Variants in PXT1 observed in about 807,000 individuals in gnomAD.
PXT1 encodes the protein peroxisomal testis-specific protein 1.
PXT1 carries 11 observed loss-of-function variants against 11.0 expected under a neutral mutation model. The observed-to-expected ratio is 1.00, with a 90% CI of 0.63 to 1.66. The LOEUF (loss-of-function observed/expected upper bound fraction) is 1.66. Among genes scored for constraint, PXT1 ranks in the 40% most tolerant of loss-of-function variants. PXT1 has a pLI of 0.00. For synonymous variants in PXT1, 43 were observed against 51.4 expected (o/e 0.84, Z 0.70); for missense variants, 141 against 155.5 (o/e 0.91, Z 0.49).
At chr6:36,401,581 G>A (rs975858299) in intron 3 of PXT1, among the ~76,000 whole-genome samples, 17 of 146,298 alleles carry the variant, frequency 1.2e-4, no homozygotes, top group African/African-American at 3.8e-4. Context: ...ACACCACTGC[G>A]CTCCAGCCTG....
At chr6:36,421,238 A>G (rs1392858226) in intron 3 of PXT1, among the ~76,000 whole-genome samples, 2 of 152,150 alleles carry the variant, frequency 1.3e-5, no homozygotes, top group Admixed American at 6.6e-5. Context: ...AGGACAAGGC[A>G]GGATCATTGA....
intron 1 of PXT1, among the ~76,000 whole-genome samples, chr6:36,441,888 A>G (rs1774876436): frequency 6.6e-6 from 1 of 152,150 alleles, no homozygotes; most frequent in South Asian, 2.1e-4. Context: ...CTATTTTCTT[A>G]CATTCCTTCC....
intron 3 of PXT1, among the ~76,000 whole-genome samples, chr6:36,412,101 C>T (rs1008118483): frequency 6.6e-6 from 1 of 152,160 alleles, no homozygotes; most frequent in Non-Finnish European, 1.5e-5. Flanking sequence ...CCTGTAGTCC[C>T]AGCACTTTGG....
At chr6:36,393,185 G>C (rs1357778167) in intron 4 of PXT1, 9 of 152,162 alleles carry the variant, frequency 5.9e-5, no homozygotes, top group Admixed American at 5.9e-4. Context: ...ATGTTGGTCA[G>C]CCTAGTCTCG....
chr6:36,430,390 A>G lies in PXT1; in HGVS notation c.-9-4299T>C, dbSNP rs114972351. Among the ~76,000 whole-genome samples the G allele has an allele frequency of 3.1e-3, 469 of 152,280 alleles. 1 individual carries two copies. Among genetic ancestry groups the G allele is most frequent in the African/African-American group, 0.011 (440 of 41,554 alleles). On this transcript the variant is annotated intron_variant, in intron 2 of 4. Coordinates refer to ENST00000454782, the MANE Select transcript of PXT1 (RefSeq NM_152990.4). The stretch of plus-strand genomic sequence containing the variant: ...CAGGCAGAATGGACTCTGTAGATGT[A>G]ATTATATTAAAGCTCTTGAGATGAA...
chr6:36,395,118 C>T (rs1774125009), intron 4 of PXT1, among the ~76,000 whole-genome samples: 1 of 152,118 alleles, frequency 6.6e-6, no homozygotes, highest in African/African-American at 2.4e-5. Flanking sequence ...AGCCACTGTG[C>T]CCGGCCTAAA....
chr6:36,406,199 A>G (rs993970565), intron 3 of PXT1, among the ~76,000 whole-genome samples: 1 of 152,142 alleles, frequency 6.6e-6, no homozygotes, highest in Admixed American at 6.6e-5. Flanking sequence ...TCTTTCCTAC[A>G]TGTTCCCACC....
intron 4 of PXT1, among the ~76,000 whole-genome samples, chr6:36,394,126 C>T (rs1221126854): frequency 2.0e-5 from 3 of 152,162 alleles, no homozygotes; most frequent in African/African-American, 2.4e-5. Flanking sequence ...GCTAGGAAAA[C>T]GGAATGAGTT....
At chr6:36,394,692 C>T (rs1422165085) in intron 4 of PXT1, among the ~76,000 whole-genome samples, 1 of 148,000 alleles carries the variant, frequency 6.8e-6, no homozygotes, top group Non-Finnish European at 1.5e-5. Flanking sequence ...TTAAAACATG[C>T]TTTATATCTA....
At chr6:36,419,751 G>A (rs1774497434) in intron 3 of PXT1, among the ~76,000 whole-genome samples, 1 of 152,166 alleles carries the variant, frequency 6.6e-6, no homozygotes, top group African/African-American at 2.4e-5. Flanking sequence ...CATTTGTCTT[G>A]AAGTCAGCTC....
intron 2 of PXT1, among the ~76,000 whole-genome samples, chr6:36,433,079 T>A (rs1005537170): frequency 7.9e-5 from 12 of 152,242 alleles, no homozygotes; most frequent in Admixed American, 3.3e-4. Context: ...TCTTAAAATA[T>A]AAATGTACAA....
chr6:36,411,059 C>T (rs990756747), intron 3 of PXT1, among the ~76,000 whole-genome samples: 1 of 152,162 alleles, frequency 6.6e-6, no homozygotes, highest in African/African-American at 2.4e-5. Context: ...GTCTTATAAT[C>T]TCATAATGGC....
chr6:36,437,820 CTTTTTTT>C (rs375905408), intron 2 of PXT1, among the ~76,000 whole-genome samples: 1 of 79,426 alleles, frequency 1.3e-5, no homozygotes. Flanking sequence ...CCAGCCACTG[CTTTTTTT>C]TTTTTTTTTT....
At chr6:36,391,900 G>C in intron 4 of PXT1, 26 bp from the exon 5 acceptor site, 1 of 1,291,768 alleles carries the variant, frequency 7.7e-7, no homozygotes, top group Non-Finnish European at 1.0e-6. Context: ...GAGACACAGA[G>C]AAAGGTTTTT....
chr6:36,391,705 G>T lies in PXT1; in HGVS notation c.*65C>A. 1 of 1,041,638 alleles carries T rather than the reference G, an allele frequency of 9.6e-7. No individual in the cohort carries two copies. Among genetic ancestry groups the T allele is most frequent in the Non-Finnish European group, 1.5e-6 (1 of 659,640 alleles). 64.5% of individuals were successfully genotyped at this position (1,041,638 alleles called of 1,614,324 possible). ...GGGTGTTCTTCCCATCTGTCCCAGT[G>T]GGATTCATGTTTCTCAGAGGGTAAA... is the stretch of plus-strand genomic sequence containing the variant. On this transcript the variant is annotated 3_prime_UTR_variant, in exon 5 of 5. Transcript: ENST00000454782.
chr6:36,407,580 T>A (rs149593150), intron 3 of PXT1, among the ~76,000 whole-genome samples: 1 of 31,520 alleles, frequency 3.2e-5, no homozygotes, highest in Non-Finnish European at 8.4e-5. Context: ...TGGTTAATCT[T>A]TTTTTTTTTT....
rs552654556 is a variant in PXT1, at chr6:36,408,640, A to T, written c.170-8056T>A. On this transcript the variant is annotated intron_variant, in intron 3 of 4. Transcript: ENST00000454782. ...CAGCATTTTGGGAGGCTGTTGGGGGAGGATCCCTTGAGCCCAGGAGTTCAG... is the reference window on the plus strand; with the variant it reads ...CAGCATTTTGGGAGGCTGTTGGGGGTGGATCCCTTGAGCCCAGGAGTTCAG... Among the ~76,000 whole-genome samples the T allele has an allele frequency of 1.2e-3, 168 of 143,378 alleles. 1 individual carries two copies. The highest frequency in any genetic ancestry group is 2.1e-3 in the Non-Finnish European group (139 of 66,924). The allele number at this position is 143,378 out of a possible 152,430, so 94.1% of individuals were successfully genotyped here.
chr6:36,391,838 A>C lies in PXT1; in HGVS notation c.337T>G (p.Phe113Val), dbSNP rs749086622. ...QQDGRDALDHFVFFFFRRVQV... is the reference protein window; with the variant it reads ...QQDGRDALDHVVFFFFRRVQV... ...ACTCTTCTAAAGAAAAAGAAGACAA[A>C]ATGATCTAGTGCATCTCTGCCATCC... The change falls in exon 5 of 5, where the codon TTT becomes GTT. Residue 113 changes from phenylalanine to valine, a missense_variant. Phe to Val is a conservative substitution (Grantham distance 50). Transcript: ENST00000454782. 5.0e-6 allele frequency: 8 copies of C among 1,613,636 alleles called. No individual in the cohort carries two copies. The South Asian group carries it at 8.8e-5, about 18-fold the overall frequency.
chr6:36,414,253 C>A (rs563785850), intron 3 of PXT1, among the ~76,000 whole-genome samples: 2 of 152,202 alleles, frequency 1.3e-5, no homozygotes, highest in African/African-American at 4.8e-5. Context: ...AGAGAGTAAC[C>A]AGATTGGAGC....
Sources: gnomAD v4.1 joint callset for allele counts (sites outside exome capture counted in the v4.1 genomes callset) on GRCh38, gnomAD v4.1.1 for gene constraint, MANE v1.5 for transcripts, NCBI Gene and HGNC (gene_info 2026-07-23, HGNC 2026-07-21) for gene names.